Variants in IGF2BP2 observed in about 807,000 individuals in gnomAD.
IGF2BP2 encodes insulin-like growth factor 2 mRNA-binding protein 2.
IGF2BP2 carries 17 observed loss-of-function variants against 75.8 expected under a neutral mutation model. The observed-to-expected ratio is 0.22, with a 90% CI of 0.15 to 0.34. The LOEUF (loss-of-function observed/expected upper bound fraction) is 0.34. IGF2BP2 is among the 10% of genes least tolerant of loss of function. The probability of loss-of-function intolerance (pLI) is 1.00; values close to 1 mark genes in which losing one functional copy is unlikely to be tolerated. For missense variants in IGF2BP2, 516 were observed against 772.4 expected (o/e 0.67, Z 3.93); for synonymous variants, 288 against 295.6 (o/e 0.97, Z 0.26).
At chr3:185,672,724 C>T (rs1194382990) in intron 9 of IGF2BP2, 55 bp from the exon 10 acceptor site, 12 of 1,603,534 alleles carry the variant, frequency 7.5e-6, no homozygotes, top group South Asian at 5.6e-5. Context: ...GAGGCCCGCA[C>T]GCCTGGGTCA....
At chr3:185,652,738 C>T (rs1323479791) in intron 12 of IGF2BP2, among the ~76,000 whole-genome samples, 4 of 152,180 alleles carry the variant, frequency 2.6e-5, no homozygotes, top group Non-Finnish European at 4.4e-5. Context: ...AATGGAGGCA[C>T]GTTGGTTCTA....
chr3:185,769,577 T>C (rs1351126867), intron 2 of IGF2BP2, among the ~76,000 whole-genome samples: 1 of 151,742 alleles, frequency 6.6e-6, no homozygotes, highest in Non-Finnish European at 1.5e-5. Context: ...TGGCTCACGC[T>C]TGTAATCCCA....
At chr3:185,754,584 G>C (rs1266135436) in intron 2 of IGF2BP2, among the ~76,000 whole-genome samples, 3 of 152,184 alleles carry the variant, frequency 2.0e-5, no homozygotes, top group Admixed American at 6.5e-5. Context: ...AAGACATTAA[G>C]ATGAGGGAGA....
intron 2 of IGF2BP2, among the ~76,000 whole-genome samples, chr3:185,739,463 T>C (rs1438431903): frequency 1.3e-5 from 2 of 152,194 alleles, no homozygotes; most frequent in Non-Finnish European, 2.9e-5. Flanking sequence ...ACCCTTCTGT[T>C]ATCAAAAGGC....
intron 2 of IGF2BP2, among the ~76,000 whole-genome samples, chr3:185,778,555 C>T (rs139609122): frequency 1.2e-4 from 18 of 152,338 alleles, no homozygotes; most frequent in African/African-American, 4.1e-4. Flanking sequence ...GCCTTCCCCT[C>T]TACCAAGTTG....
intron 2 of IGF2BP2, among the ~76,000 whole-genome samples, chr3:185,730,960 A>G (rs1560374832): frequency 6.6e-6 from 1 of 152,160 alleles, no homozygotes; most frequent in Non-Finnish European, 1.5e-5. Context: ...TTTAATTCAC[A>G]TTTCTCTGAT....
chr3:185,707,545 G>A (rs1278199741), intron 2 of IGF2BP2, among the ~76,000 whole-genome samples: 4 of 151,850 alleles, frequency 2.6e-5, no homozygotes, highest in Non-Finnish European at 5.9e-5. Context: ...CTGACTTTGT[G>A]ATCCACCCTC....
intron 2 of IGF2BP2, among the ~76,000 whole-genome samples, chr3:185,799,178 T>G (rs1044776172): frequency 6.6e-6 from 1 of 151,524 alleles, no homozygotes; most frequent in Non-Finnish European, 1.5e-5. Context: ...GTCAGGCAGA[T>G]CACTTGAGCC....
chr3:185,665,237 A>C, intron 10 of IGF2BP2, among the ~76,000 whole-genome samples: 1 of 145,272 alleles, frequency 6.9e-6, no homozygotes. Flanking sequence ...GAGGAGGAGG[A>C]GAAGGAGAAG....
chr3:185,817,715 T>C (rs1243438838), intron 2 of IGF2BP2, among the ~76,000 whole-genome samples: 1 of 152,220 alleles, frequency 6.6e-6, no homozygotes. Context: ...GAAAGACTTA[T>C]CTTCATTGGT....
chr3:185,810,059 T>C (rs1488486840), intron 2 of IGF2BP2, among the ~76,000 whole-genome samples: 5 of 152,250 alleles, frequency 3.3e-5, no homozygotes, highest in Admixed American at 1.3e-4. Flanking sequence ...TGTGCCACTC[T>C]TCTATGCCCT....
intron 2 of IGF2BP2, among the ~76,000 whole-genome samples, chr3:185,714,351 T>G (rs1001407744): frequency 2.0e-5 from 3 of 152,234 alleles, no homozygotes; most frequent in Non-Finnish European, 4.4e-5. Flanking sequence ...AGTAAGTAAA[T>G]GCTGCAATGA....
At position 185,649,345 on chromosome 3, in the gene IGF2BP2, G is replaced by T. The variant is rs1714162159; in HGVS notation, c.1593+58C>A. The T allele has an allele frequency of 5.6e-6, 9 of 1,597,070 alleles. No homozygotes were observed. The South Asian group carries it at 6.7e-5, about 12-fold the overall frequency. On this transcript the variant is annotated intron_variant, in intron 14 of 15. Transcript: ENST00000382199. ...CCAAGGGGAGACTGAGGGAACTCAG[G>T]CAAGGCCAGAGCGGGGAATCTGACC...
intron 2 of IGF2BP2, among the ~76,000 whole-genome samples, chr3:185,756,505 C>A (rs928788938): frequency 5.3e-5 from 8 of 152,126 alleles, no homozygotes; most frequent in Non-Finnish European, 1.0e-4. Context: ...CTTCTCTCTG[C>A]ACAATATTTC....
chr3:185,784,784 T>C (rs1735645864), intron 2 of IGF2BP2, among the ~76,000 whole-genome samples: 2 of 152,116 alleles, frequency 1.3e-5, no homozygotes, highest in Non-Finnish European at 2.9e-5. Flanking sequence ...TTTGCAGAAG[T>C]ATCACCAGTA....
chr3:185,650,749 T>C (rs1204039357), intron 13 of IGF2BP2, among the ~76,000 whole-genome samples: 1 of 152,140 alleles, frequency 6.6e-6, no homozygotes, highest in African/African-American at 2.4e-5. Context: ...TCATCACCAT[T>C]ATCTATTCAG....
At chr3:185,698,166 G>A (rs562486242) in intron 3 of IGF2BP2, 133 bp downstream of exon 3, 2 of 696,596 alleles carry the variant, frequency 2.9e-6, no homozygotes, top group South Asian at 3.6e-5. Flanking sequence ...CATACATTAG[G>A]GTACTGAAAA....
At chr3:185,742,763 T>C (rs1192189374) in intron 2 of IGF2BP2, among the ~76,000 whole-genome samples, 1 of 152,180 alleles carries the variant, frequency 6.6e-6, no homozygotes, top group Admixed American at 6.5e-5. Flanking sequence ...ATGAACTGCA[T>C]GATTTCAGTG....
chr3:185,684,366 T>C (rs1163569301), intron 7 of IGF2BP2, among the ~76,000 whole-genome samples: 2 of 152,112 alleles, frequency 1.3e-5, no homozygotes, highest in South Asian at 2.1e-4. Flanking sequence ...CATGTCATCA[T>C]TGGATACTAC....
Sources: gnomAD v4.1 joint callset for allele counts (sites outside exome capture counted in the v4.1 genomes callset) on GRCh38, gnomAD v4.1.1 for gene constraint, MANE v1.5 for transcripts, NCBI Gene and HGNC (gene_info 2026-07-23, HGNC 2026-07-21) for gene names.